KCNN2: variants seen among roughly 807,000 people sequenced by gnomAD.
KCNN2 encodes small conductance calcium-activated potassium channel protein 2.
In KCNN2, 24 loss-of-function variants were observed where a neutral mutation model predicts 55.5. The observed-to-expected ratio is 0.43, with a 90% CI of 0.31 to 0.61. The LOEUF is 0.61. Among genes scored for constraint, KCNN2 ranks in the 20% least tolerant of loss-of-function variants. KCNN2 has a pLI of 0.08. For missense variants in KCNN2, 754 were observed against 853.6 expected (o/e 0.88, Z 1.45); for synonymous variants, 431 against 336.1 (o/e 1.28, Z -3.09).
At chr5:114,225,837 C>T (rs1423542359) in intron 2 of KCNN2, among the ~76,000 whole-genome samples, 2 of 152,134 alleles carry the variant, frequency 1.3e-5, no homozygotes, top group African/African-American at 4.8e-5. Flanking sequence ...TAAGACTTAA[C>T]AAACATGCCA....
intron 1 of KCNN2, among the ~76,000 whole-genome samples, chr5:114,184,201 G>A (rs1753287832): frequency 6.6e-6 from 1 of 152,142 alleles, no homozygotes; most frequent in South Asian, 2.1e-4. Flanking sequence ...GTATCATAGT[G>A]TTCTCAAAAC....
At chr5:114,370,916 A>G (rs1757745128) in intron 2 of KCNN2, among the ~76,000 whole-genome samples, 1 of 152,174 alleles carries the variant, frequency 6.6e-6, no homozygotes, top group Admixed American at 6.5e-5. Flanking sequence ...CCTTGTTTTG[A>G]TGCTGTGAGA....
At chr5:114,193,616 G>A (rs1753493651) in intron 1 of KCNN2, among the ~76,000 whole-genome samples, 1 of 152,166 alleles carries the variant, frequency 6.6e-6, no homozygotes, top group African/African-American at 2.4e-5. Context: ...AGTTTCTTCA[G>A]AAATTTGTGT....
At chr5:114,202,589 T>A (rs1169724056) in intron 1 of KCNN2, among the ~76,000 whole-genome samples, 125 of 127,144 alleles carry the variant, frequency 9.8e-4, no homozygotes, top group Middle Eastern at 3.8e-3. Context: ...ATATATATTT[T>A]TTTTTTTTTT....
rs1021596423 is a variant in KCNN2, at chr5:114,459,058, C to T, written c.1638-3991C>T. On this transcript the variant is annotated intron_variant, in intron 3 of 7. Coordinates refer to ENST00000673685, the MANE Select transcript of KCNN2 (RefSeq NM_021614.4). Reference sequence around the variant, plus strand: ...TTTGACACACGTTATAGAAAGCTGTCATATTTGTAATCTAAGAAAGAGTGT... The same window carrying T: ...TTTGACACACGTTATAGAAAGCTGTTATATTTGTAATCTAAGAAAGAGTGT... Among the ~76,000 whole-genome samples the T allele has an allele frequency of 2.0e-5, 3 of 152,176 alleles. No homozygotes were observed. The East Asian group carries it at 5.8e-4, about 29-fold the overall frequency.
chr5:114,239,495 G>T (rs1353748633), intron 2 of KCNN2, among the ~76,000 whole-genome samples: 1 of 152,110 alleles, frequency 6.6e-6, no homozygotes, highest in Non-Finnish European at 1.5e-5. Flanking sequence ...TTAAAATGAA[G>T]CCTAACTGGG....
At chr5:114,284,364 A>T (rs1755689472) in intron 2 of KCNN2, among the ~76,000 whole-genome samples, 1 of 152,180 alleles carries the variant, frequency 6.6e-6, no homozygotes, top group African/African-American at 2.4e-5. Flanking sequence ...TTTTTAAAAA[A>T]TTTCTGTTTT....
intron 2 of KCNN2, among the ~76,000 whole-genome samples, chr5:114,244,274 G>A (rs1399206165): frequency 6.6e-6 from 1 of 151,974 alleles, no homozygotes; most frequent in Non-Finnish European, 1.5e-5. Context: ...TAGAATTTTT[G>A]GACCTAAGAG....
At chr5:114,390,014 CTG>C (rs1253388899) in intron 2 of KCNN2, among the ~76,000 whole-genome samples, 2 of 152,224 alleles carry the variant, frequency 1.3e-5, no homozygotes, top group Non-Finnish European at 2.9e-5. Context: ...TTTCAATTGC[CTG>C]TGCTTTAACT....
At chr5:114,081,890 C>T (rs1475583166) in intron 1 of KCNN2, among the ~76,000 whole-genome samples, 2 of 152,252 alleles carry the variant, frequency 1.3e-5, no homozygotes, top group African/African-American at 4.8e-5. Context: ...GATATCTAGA[C>T]TATGTAGGGA....
intron 2 of KCNN2, among the ~76,000 whole-genome samples, chr5:114,332,642 T>C (rs963749107): frequency 6.6e-6 from 1 of 152,224 alleles, no homozygotes; most frequent in African/African-American, 2.4e-5. Flanking sequence ...ACTGTCTGTA[T>C]ATGTACTCAG....
chr5:114,383,618 G>T (rs188496710), intron 2 of KCNN2, among the ~76,000 whole-genome samples: 1 of 152,030 alleles, frequency 6.6e-6, no homozygotes, highest in Non-Finnish European at 1.5e-5. Context: ...ACAGGCGGGC[G>T]CAGCCATGCT....
chr5:114,171,855 C>G (rs1005122518), intron 1 of KCNN2, among the ~76,000 whole-genome samples: 4 of 151,792 alleles, frequency 2.6e-5, no homozygotes, highest in Admixed American at 1.3e-4. Context: ...GTCTTTGTGA[C>G]TTTGCACTCA....
intron 2 of KCNN2, among the ~76,000 whole-genome samples, chr5:114,263,819 A>G (rs1755158188): frequency 6.6e-6 from 1 of 152,150 alleles, no homozygotes; most frequent in Admixed American, 6.5e-5. Flanking sequence ...TGCCTCTCAT[A>G]AGGGAGTTTG....
Position 114,496,331 on chromosome 5 carries a change from A to G in KCNN2, c.*149A>G. ...AACCTGAACACTAAGTTTTAGGCCA[A>G]AATGAGTGAAAACTCTTTTTTTTTC... On this transcript the variant is annotated 3_prime_UTR_variant, in exon 8 of 8. Transcript: ENST00000673685. 1.3e-6 allele frequency: 1 copy of G among 766,318 alleles called. No individual in the cohort carries two copies. Among genetic ancestry groups the G allele is most frequent in the Non-Finnish European group, 2.0e-6 (1 of 493,342 alleles). The allele number at this position is 766,318 out of a possible 1,614,324, so 47.5% of individuals were successfully genotyped here. A position where few individuals can be genotyped will look rare whatever the true frequency, so the allele number is the denominator to read the frequency against.
intron 2 of KCNN2, among the ~76,000 whole-genome samples, chr5:114,375,950 G>T (rs1757916022): frequency 5.8e-5 from 2 of 34,324 alleles, no homozygotes; most frequent in East Asian, 2.2e-3. Flanking sequence ...AAGACTCACA[G>T]TGTATATATA....
chr5:114,131,548 T>G (rs946307254), intron 1 of KCNN2, among the ~76,000 whole-genome samples: 1 of 152,240 alleles, frequency 6.6e-6, no homozygotes, highest in East Asian at 1.9e-4. Context: ...TTATTTGGAT[T>G]GATTCCATGT....
intron 4 of KCNN2, among the ~76,000 whole-genome samples, chr5:114,472,428 T>C (rs1236774483): frequency 6.6e-6 from 1 of 152,210 alleles, no homozygotes; most frequent in Non-Finnish European, 1.5e-5. Context: ...TAGTGTCATG[T>C]TAGTAAACCT....
At chr5:114,135,890 G>A (rs2954375) in intron 1 of KCNN2, among the ~76,000 whole-genome samples, 1 of 152,130 alleles carries the variant, frequency 6.6e-6, no homozygotes, top group Non-Finnish European at 1.5e-5. Flanking sequence ...ATATATACGT[G>A]TGGAAAATTG....
Sources: gnomAD v4.1 joint callset for allele counts (sites outside exome capture counted in the v4.1 genomes callset) on GRCh38, gnomAD v4.1.1 for gene constraint, MANE v1.5 for transcripts, NCBI Gene and HGNC (gene_info 2026-07-23, HGNC 2026-07-21) for gene names.